Variants in DISP2 observed in about 807,000 individuals in gnomAD.
DISP2 encodes dispatched RND transporter family member 2, also known as protein dispatched homolog 2.
In DISP2, 59 loss-of-function variants were observed where a neutral mutation model predicts 95.5. The observed-to-expected ratio is 0.62, with a 90% CI of 0.50 to 0.77. The LOEUF (loss-of-function observed/expected upper bound fraction) is 0.77. DISP2 is among the 30% of genes least tolerant of loss of function. The pLI is 0.00. For synonymous variants in DISP2, 827 were observed against 815.0 expected (o/e 1.01, Z -0.25); for missense variants, 1,752 against 1,854.6 (o/e 0.94, Z 1.02).
In DISP2 at chr15:40,365,523, C is replaced by T. The variant is rs73397399; in HGVS notation, c.848-105C>T. 4.9e-3 allele frequency: 6,842 copies of T among 1,393,520 alleles called. 272 individuals are homozygous for T. The African/African-American group carries it at 0.084, about 17-fold the overall frequency. The allele number at this position is 1,393,520 out of a possible 1,614,324, so 86.3% of individuals were successfully genotyped here. A position where few individuals can be genotyped will look rare whatever the true frequency, so the allele number is the denominator to read the frequency against. Reference sequence around the variant, plus strand: ...CAGTCCATGCACAGGCTTGAGATGCCTGAGAATCTGAACCTCATGTGGCCC... The same window carrying T: ...CAGTCCATGCACAGGCTTGAGATGCTTGAGAATCTGAACCTCATGTGGCCC... On this transcript the variant is annotated intron_variant, in intron 6 of 7. Transcript: ENST00000267889.
Position 40,358,414 on chromosome 15 carries a change from G to T in DISP2, c.93G>T (p.Leu31Phe). 1 of 1,333,582 alleles carries T rather than the reference G, an allele frequency of 7.5e-7. No individual in the cohort carries two copies. 82.6% of individuals were successfully genotyped at this position (1,333,582 alleles called of 1,614,324 possible). A position where few individuals can be genotyped will look rare whatever the true frequency, so the allele number is the denominator to read the frequency against. Residue 31 changes from leucine to phenylalanine, a missense_variant, in exon 1 of 8, where the codon TTG becomes TTT. Leu to Phe is a conservative substitution (Grantham distance 22, BLOSUM62 0). Coordinates refer to ENST00000267889, the MANE Select transcript of DISP2 (RefSeq NM_033510.3). ...EGEQRPEGEP[L>F]APDGGSPDST... is the part of the protein sequence containing the mutation. ...AGCAACGGCCCGAGGGGGAGCCCTT[G>T]GCCCCAGACGGCGGCTCCCCGGACA...
At chr15:40,360,442 C>T (rs1480568167) in intron 1 of DISP2, among the ~76,000 whole-genome samples, 2 of 152,112 alleles carry the variant, frequency 1.3e-5, no homozygotes, top group Non-Finnish European at 2.9e-5. Context: ...TGGAAGGTTT[C>T]AAATTCTGCC....
rs1365656723 is a variant in DISP2, at chr15:40,369,970, C to G, written c.3858C>G (p.Ala1286=). The G allele has an allele frequency of 6.2e-7, 1 of 1,612,330 alleles. No homozygotes were observed. The change falls in exon 8 of 8, where the codon GCC becomes GCG. Residue 1286 remains alanine (A), a synonymous_variant. Coordinates refer to ENST00000267889, the MANE Select transcript of DISP2 (RefSeq NM_033510.3). ...ADPPDGFCSS[A]STLEGLSVSD... is the part of the protein sequence containing the mutation. ...CTCCTGATGGCTTCTGTTCCTCAGC[C>G]AGCACCCTGGAGGGGCTCAGCGTCT... is the stretch of plus-strand genomic sequence containing the variant.
At position 40,365,230 on chromosome 15, in the gene DISP2, C is replaced by A. The variant is rs542184701; in HGVS notation, c.803C>A (p.Pro268His). The A allele has an allele frequency of 6.2e-6, 10 of 1,614,074 alleles. No homozygotes were observed. The South Asian group carries it at 1.1e-4, about 18-fold the overall frequency. The stretch of plus-strand genomic sequence containing the variant: ...GTCCGGCCTCGGAGAATGGTGGAGC[C>A]CCTGGAGGACAGAAGGCAAGAGAAC... ...SAVRPRRMVEPLEDRRQENFF... is the reference protein window; with the variant it reads ...SAVRPRRMVEHLEDRRQENFF... Residue 268 changes from proline (P) to histidine (H), a missense_variant, in exon 6 of 8, where the codon CCC becomes CAC. Physicochemically the swap from Pro to His is moderately conservative, Grantham distance 77. Coordinates refer to ENST00000267889, the MANE Select transcript of DISP2 (RefSeq NM_033510.3).
intron 7 of DISP2, 57 bp downstream of exon 7, chr15:40,365,782 T>C (rs1025058233): frequency 1.9e-6 from 3 of 1,546,298 alleles, no homozygotes; most frequent in Non-Finnish European, 1.8e-6. Context: ...ATGAGGGAAC[T>C]GATCCCAAGG....
chr15:40,369,364 C>A lies in DISP2; in HGVS notation c.3252C>A (p.Leu1084=). The change falls in exon 8 of 8, where the codon CTC becomes CTA. Residue 1084 remains leucine (L), a synonymous_variant. Coordinates refer to ENST00000267889, the MANE Select transcript of DISP2 (RefSeq NM_033510.3). The stretch of plus-strand genomic sequence containing the variant: ...TCATGCTGCCTGCCACAGTGCTGCT[C>A]TATCGCAAGCTGGGCATCATCCTCA... ...GVLMLPATVL[L]YRKLGIILMM... 6.2e-7 allele frequency: 1 copy of A among 1,613,554 alleles called. No homozygotes were observed. Among genetic ancestry groups the A allele is most frequent in the South Asian group, 1.1e-5 (1 of 91,080 alleles).
chr15:40,368,069 G>A lies in DISP2; in HGVS notation c.1957G>A (p.Ala653Thr), dbSNP rs754273818. Residue 653 changes from alanine (A) to threonine (T), a missense_variant, in exon 8 of 8, where the codon GCG becomes ACG. By Grantham distance (58) the Ala-to-Thr change is moderately conservative (BLOSUM62 0). Transcript: ENST00000267889. ...CGAGCGCTACCTGGCGCGCGGCTGT[G>A]CGCGCCGGGCGCGGGGCCGGTGGGA... Reference protein sequence around the residue: ...LHERYLARGCARRARGRWEGS... With the variant: ...LHERYLARGCTRRARGRWEGS... 6 of 1,440,608 alleles carry A rather than the reference G, an allele frequency of 4.2e-6. No homozygotes were observed. Among genetic ancestry groups the A allele is most frequent in the Non-Finnish European group, 5.4e-6 (6 of 1,105,682 alleles). 89.2% of individuals were successfully genotyped at this position (1,440,608 alleles called of 1,614,324 possible). A position where few individuals can be genotyped will look rare whatever the true frequency, so the allele number is the denominator to read the frequency against.
In DISP2 at chr15:40,378,376, G is replaced by A. The variant is rs975042591; in HGVS notation, c.*8058G>A. The A allele has an allele frequency of 6.6e-6, 1 of 152,156 alleles. No individual in the cohort carries two copies. Among genetic ancestry groups the A allele is most frequent in the African/African-American group, 2.4e-5 (1 of 41,398 alleles). 9.4% of individuals were successfully genotyped at this position (152,156 alleles called of 1,614,324 possible). On this transcript the variant is annotated 3_prime_UTR_variant, in exon 8 of 8. Transcript: ENST00000267889. The stretch of plus-strand genomic sequence containing the variant: ...GGGAAGAAGTACCAAGGGGAAGGAG[G>A]AATGATTTGGGGATGACGGCTGTGT...
rs763603783 is a variant in DISP2 at position 40,368,333 on chromosome 15, C to T, written c.2221C>T (p.Arg741Trp). 1.9e-6 allele frequency: 3 copies of T among 1,603,668 alleles called. No homozygotes were observed. Among genetic ancestry groups the T allele is most frequent in the Non-Finnish European group, 2.5e-6 (3 of 1,176,854 alleles). ...TLPPPGGQVF[R>W]PSHPFERFDA... is the part of the protein sequence containing the mutation. Reference sequence around the variant, plus strand: ...GCCGCCGCCCGGCGGCCAGGTCTTCCGGCCCAGCCACCCCTTCGAGCGCTT... The same window carrying T: ...GCCGCCGCCCGGCGGCCAGGTCTTCTGGCCCAGCCACCCCTTCGAGCGCTT... The change falls in exon 8 of 8, where the codon CGG becomes TGG. Residue 741 changes from arginine (R) to tryptophan (W), a missense_variant. This residue lies in a region of DISP2 where 732 missense variants were observed against 714.6 expected (regional missense o/e 1.02). Transcript: ENST00000267889.
At chr15:40,360,794 C>T (rs1181691547) in intron 1 of DISP2, among the ~76,000 whole-genome samples, 1 of 152,174 alleles carries the variant, frequency 6.6e-6, no homozygotes, top group African/African-American at 2.4e-5. Context: ...AGGCCATGGG[C>T]AGCTGGAACA....
intron 1 of DISP2, among the ~76,000 whole-genome samples, chr15:40,360,212 C>G (rs1203623632): frequency 1.3e-5 from 2 of 152,206 alleles, no homozygotes; most frequent in Non-Finnish European, 2.9e-5. Flanking sequence ...GCAGGCAACC[C>G]TGGAAGTTAC....
chr15:40,363,701 CCTTCCA>C lies in DISP2; in HGVS notation c.197_202del (p.Pro66_Ser68delinsArg). 1 of 1,610,358 alleles carries C rather than the reference CCTTCCA, an allele frequency of 6.2e-7. No individual in the cohort carries two copies. The highest frequency in any genetic ancestry group is 1.7e-4 in the Middle Eastern group (1 of 6,042). On this transcript the variant is annotated inframe_deletion, in exon 2 of 8. Coordinates refer to ENST00000267889, the MANE Select transcript of DISP2 (RefSeq NM_033510.3). ...CCTCCACAGCTGCCCCCTGGAGGACCCTTCCAGCTCTTCAGGACCCCCACCAACAAC... is the reference window on the plus strand; with the variant it reads ...CCTCCACAGCTGCCCCCTGGAGGACCGCTCTTCAGGACCCCCACCAACAAC...
chr15:40,360,129 A>C (rs1222361534), intron 1 of DISP2, among the ~76,000 whole-genome samples: 1 of 152,060 alleles, frequency 6.6e-6, no homozygotes, highest in African/African-American at 2.4e-5. Context: ...TGGCCTCTTA[A>C]ATGAGGCCTG....
Position 40,364,534 on chromosome 15 carries a change from A to G in DISP2, c.593A>G (p.Lys198Arg), listed in dbSNP as rs747038182. 4 of 1,613,582 alleles carry G rather than the reference A, an allele frequency of 2.5e-6. No individual in the cohort carries two copies. Among genetic ancestry groups the G allele is most frequent in the Admixed American group, 1.7e-5 (1 of 59,996 alleles). ...LLGARLPDFS[K>R]PLLGFEPRDT... is the part of the protein sequence containing the mutation. ...GGGGCCCGGCTGCCCGACTTCTCCA[A>G]GCCTTTGCTGGTGAGGAACCAAGGG... Residue 198 changes from lysine (K) to arginine (R), a missense_variant, in exon 4 of 8, where the codon AAG becomes AGG. By Grantham distance (26) the Lys-to-Arg change is conservative. Transcript: ENST00000267889.
Position 40,367,130 on chromosome 15 carries a change from C to T in DISP2, c.1018C>T (p.Leu340=), listed in dbSNP as rs757716771. 2 of 1,613,918 alleles carry T rather than the reference C, an allele frequency of 1.2e-6. No individual in the cohort carries two copies. Among genetic ancestry groups the T allele is most frequent in the Non-Finnish European group, 1.7e-6 (2 of 1,180,012 alleles). Residue 340 remains leucine, a synonymous_variant, in exon 8 of 8, where the codon CTG becomes TTG. Transcript: ENST00000267889. ...CAACCAGTGCTGCCCCAGCTGGTCCCTGGGCAACTATCTGGCTGTGCTCTC... is the reference window on the plus strand; with the variant it reads ...CAACCAGTGCTGCCCCAGCTGGTCCTTGGGCAACTATCTGGCTGTGCTCTC... ...AANQCCPSWS[L]GNYLAVLSNR...
chr15:40,367,072 C>T lies in DISP2; in HGVS notation c.960C>T (p.Thr320=), dbSNP rs1219674596. Residue 320 remains threonine (T), a synonymous_variant, in exon 8 of 8, where the codon ACC becomes ACT. Transcript: ENST00000267889. ...RMEQDQIRSH[T]SFGALCQRTA... is the part of the protein sequence containing the mutation. ...GTGCCCTACAGATCCGCTCCCATAC[C>T]AGCTTCGGGGCTCTGTGCCAGCGGA... 4 of 1,610,620 alleles carry T rather than the reference C, an allele frequency of 2.5e-6. No individual in the cohort carries two copies. Among genetic ancestry groups the T allele is most frequent in the Middle Eastern group, 1.6e-4 (1 of 6,084 alleles).
At chr15:40,364,566 C>A (rs115655873) in intron 4 of DISP2, 22 bp downstream of exon 4, 9 of 1,610,586 alleles carry the variant, frequency 5.6e-6, no homozygotes, top group Non-Finnish European at 7.6e-6. Context: ...AGGGGTGGGA[C>A]GGGGTCCCCA....
chr15:40,359,168 G>T (rs901433362), intron 1 of DISP2, among the ~76,000 whole-genome samples: 7 of 152,212 alleles, frequency 4.6e-5, no homozygotes, highest in African/African-American at 1.4e-4. Context: ...GAACAGCCCA[G>T]CTAGGTAGCA....
chr15:40,367,833 C>T lies in DISP2; in HGVS notation c.1721C>T (p.Pro574Leu), dbSNP rs1399885931. Residue 574 changes from proline to leucine, a missense_variant, in exon 8 of 8, where the codon CCG (proline) becomes CTG (leucine). Transcript: ENST00000267889. ...TGGCGCCTTAGCAAGAGCCAGCTGCCGTCGGGGGGGCTGGCGCAGCGCGTG... is the reference window on the plus strand; with the variant it reads ...TGGCGCCTTAGCAAGAGCCAGCTGCTGTCGGGGGGGCTGGCGCAGCGCGTG... ...DLWRLSKSQL[P>L]SGGLAQRVGR... The T allele has an allele frequency of 3.1e-6, 5 of 1,601,874 alleles. No homozygotes were observed. The highest frequency in any genetic ancestry group is 2.2e-5 in the East Asian group (1 of 44,876).
Sources: gnomAD v4.1 joint callset for allele counts (sites outside exome capture counted in the v4.1 genomes callset) on GRCh38, gnomAD v4.1.1 for gene constraint, gnomAD v4.1.1 regional missense constraint, MANE v1.5 for transcripts, NCBI Gene and HGNC (gene_info 2026-07-23, HGNC 2026-07-21) for gene names.